The following KDM7A variants were observed in gnomAD, a reference collection of about 807,000 sequenced individuals.
KDM7A encodes lysine-specific demethylase 7A.
KDM7A carries 28 observed loss-of-function variants against 114.8 expected under a neutral mutation model. The observed-to-expected ratio is 0.24, with a 90% CI of 0.18 to 0.33. The LOEUF (loss-of-function observed/expected upper bound fraction) is 0.33, where lower values mean the gene tolerates loss of function less well. KDM7A is among the 10% of genes least tolerant of loss of function. The pLI, the probability that KDM7A is intolerant of heterozygous loss-of-function variation, is 1.00. For synonymous variants in KDM7A, 423 were observed against 397.8 expected (o/e 1.06, Z -0.75); for missense variants, 942 against 1,142.5 (o/e 0.82, Z 2.53).
In KDM7A at chr7:140,085,367, T is replaced by C. The variant is rs1445165862; in HGVS notation, c.*5727A>G. ...CCAAAGTTCACAGATTTGAAACCTC[T>C]AAAACCAATACTACCCCTCCCCATC... On this transcript the variant is annotated 3_prime_UTR_variant, in exon 20 of 20. Coordinates refer to ENST00000397560, the MANE Select transcript of KDM7A (RefSeq NM_030647.2). 6.6e-6 allele frequency: 1 copy of C among 152,100 alleles called. No homozygotes were observed. Among genetic ancestry groups the C allele is most frequent in the Non-Finnish European group, 1.5e-5 (1 of 68,022 alleles). The allele number at this position is 152,100 out of a possible 1,614,324, so 9.4% of individuals were successfully genotyped here.
chr7:140,151,332 T>G (rs1382131496), intron 1 of KDM7A, among the ~76,000 whole-genome samples: 3 of 152,206 alleles, frequency 2.0e-5, no homozygotes, highest in African/African-American at 7.2e-5. Context: ...TAATTCAGAA[T>G]TTCCCATTGC....
chr7:140,111,336 A>G (rs891668301), intron 10 of KDM7A, 152 bp from the exon 11 acceptor site: 4 of 578,894 alleles, frequency 6.9e-6, no homozygotes, highest in Non-Finnish European at 9.2e-6. Flanking sequence ...TGTAGCTAGT[A>G]TAATGCCTTC....
At chr7:140,155,529 T>C (rs1053391438) in intron 1 of KDM7A, among the ~76,000 whole-genome samples, 1 of 152,240 alleles carries the variant, frequency 6.6e-6, no homozygotes, top group Non-Finnish European at 1.5e-5. Context: ...GTCACCAGTG[T>C]ATCAGAATAC....
intron 9 of KDM7A, 112 bp from the exon 10 acceptor site, chr7:140,113,694 A>C (rs1818468453): frequency 2.1e-6 from 1 of 467,088 alleles, no homozygotes; most frequent in African/African-American, 2.0e-5. Context: ...ATAACTTCCA[A>C]ATTAATAAAA....
At chr7:140,115,259 C>A (rs895855081) in intron 9 of KDM7A, among the ~76,000 whole-genome samples, 18 of 151,816 alleles carry the variant, frequency 1.2e-4, no homozygotes, top group Admixed American at 3.3e-4. Context: ...AAGTGAGGAG[C>A]CCCTCTGCCC....
chr7:140,092,203 C>G (rs1818031155), intron 18 of KDM7A, 126 bp from the exon 19 acceptor site: 3 of 871,718 alleles, frequency 3.4e-6, no homozygotes, highest in Admixed American at 2.5e-5. Flanking sequence ...TTCTTAACAT[C>G]TATTAGCCAC....
At chr7:140,129,200 T>C (rs1431189398) in intron 4 of KDM7A, among the ~76,000 whole-genome samples, 2 of 152,196 alleles carry the variant, frequency 1.3e-5, no homozygotes, top group African/African-American at 4.8e-5. Context: ...CTGGTATCTA[T>C]ATCTATCCCT....
At chr7:140,175,675 C>G (rs1794694932) in intron 1 of KDM7A, among the ~76,000 whole-genome samples, 1 of 152,208 alleles carries the variant, frequency 6.6e-6, no homozygotes, top group South Asian at 2.1e-4. Context: ...ACAAAACACA[C>G]GAGTCGGCGG....
At chr7:140,105,009 G>A (rs567835907) in intron 11 of KDM7A, among the ~76,000 whole-genome samples, 4 of 152,066 alleles carry the variant, frequency 2.6e-5, no homozygotes, top group African/African-American at 9.7e-5. Flanking sequence ...CCTTCACATC[G>A]CTTGTAAATC....
chr7:140,111,751 A>G (rs1468078053), intron 10 of KDM7A, among the ~76,000 whole-genome samples: 1 of 152,150 alleles, frequency 6.6e-6, no homozygotes, highest in East Asian at 1.9e-4. Flanking sequence ...CTGAGGTCAG[A>G]AGTTTGAGCC....
chr7:140,164,544 T>C (rs1402985072), intron 1 of KDM7A, among the ~76,000 whole-genome samples: 1 of 152,190 alleles, frequency 6.6e-6, no homozygotes, highest in Non-Finnish European at 1.5e-5. Flanking sequence ...TTACAAGATG[T>C]AGCAACTAAT....
intron 1 of KDM7A, among the ~76,000 whole-genome samples, chr7:140,161,629 C>T (rs1031163600): frequency 6.6e-6 from 1 of 151,686 alleles, no homozygotes; most frequent in African/African-American, 2.4e-5. Context: ...CTCACTGCAA[C>T]CTCTGCCTCC....
At chr7:140,111,072 T>C in intron 11 of KDM7A, 23 bp downstream of exon 11, 1 of 1,300,656 alleles carries the variant, frequency 7.7e-7, no homozygotes, top group South Asian at 1.2e-5. Context: ...ATCAAGCATT[T>C]ACATGACAGT....
chr7:140,089,889 A>G lies in KDM7A; in HGVS notation c.*1205T>C, dbSNP rs1419008843. 1 of 152,224 alleles carries G rather than the reference A, an allele frequency of 6.6e-6. No homozygotes were observed. Among genetic ancestry groups the G allele is most frequent in the Non-Finnish European group, 1.5e-5 (1 of 68,050 alleles). 9.4% of individuals were successfully genotyped at this position (152,224 alleles called of 1,614,324 possible). On this transcript the variant is annotated 3_prime_UTR_variant, in exon 20 of 20. Transcript: ENST00000397560. ...TAAAAAAAGTAAATACACACAAAAG[A>G]TCTATTCCAACATGCTTGCTTCTAT...
chr7:140,092,520 T>C (rs1818038600), intron 18 of KDM7A, among the ~76,000 whole-genome samples: 1 of 152,206 alleles, frequency 6.6e-6, no homozygotes, highest in African/African-American at 2.4e-5. Flanking sequence ...AGGAAATCCT[T>C]AGATCCAGAG....
chr7:140,134,262 C>T (rs2116813423), intron 2 of KDM7A, among the ~76,000 whole-genome samples: 1 of 152,314 alleles, frequency 6.6e-6, no homozygotes, highest in East Asian at 1.9e-4. Context: ...AAGGCTATGA[C>T]CTTGAGTAGT....
At chr7:140,133,997 G>GT (rs1818831324) in intron 2 of KDM7A, among the ~76,000 whole-genome samples, 1 of 152,030 alleles carries the variant, frequency 6.6e-6, no homozygotes, top group African/African-American at 2.4e-5. Context: ...AGAACATTAG[G>GT]TCCTAATATG....
chr7:140,168,337 G>C (rs1794600670), intron 1 of KDM7A, among the ~76,000 whole-genome samples: 1 of 152,130 alleles, frequency 6.6e-6, no homozygotes, highest in African/African-American at 2.4e-5. Flanking sequence ...AGGCCAAGGT[G>C]GGCAGATCAC....
intron 1 of KDM7A, among the ~76,000 whole-genome samples, chr7:140,169,432 C>T (rs1034991318): frequency 6.6e-6 from 1 of 152,142 alleles, no homozygotes; most frequent in Admixed American, 6.6e-5. Flanking sequence ...TAAAAGCATT[C>T]CTCCCCTTGG....
Sources: allele counts gnomAD v4.1 joint callset (sites outside exome capture counted in the v4.1 genomes callset), GRCh38; gene constraint gnomAD v4.1.1; transcripts MANE v1.5; gene names NCBI Gene and HGNC (gene_info 2026-07-23, HGNC 2026-07-21).